The following TFAP2C variants were observed in gnomAD, a reference collection of about 807,000 sequenced individuals.
TFAP2C encodes the protein activating enhancer-binding protein 2 gamma.
TFAP2C carries 9 observed loss-of-function variants against 42.9 expected under a neutral mutation model. The ratio of observed to expected loss-of-function variants is 0.21; its 90% CI spans 0.13 to 0.37. The LOEUF (loss-of-function observed/expected upper bound fraction) is 0.37, where lower values mean the gene tolerates loss of function less well. Ranked by LOEUF, TFAP2C falls within the 10% of genes least tolerant of loss-of-function variation. The pLI, the probability that TFAP2C is intolerant of heterozygous loss-of-function variation, is 1.00. For synonymous variants in TFAP2C, 264 were observed against 256.0 expected (o/e 1.03, Z -0.30); for missense variants, 462 against 591.7 (o/e 0.78, Z 2.27).
At chr20:56,632,952 A>G (rs1258204524) in intron 3 of TFAP2C, among the ~76,000 whole-genome samples, 1 of 152,188 alleles carries the variant, frequency 6.6e-6, no homozygotes, top group African/African-American at 2.4e-5. Context: ...GGCCAGGTGC[A>G]GTGGCTGACA....
rs375808345 is a variant in TFAP2C at position 56,631,411 on chromosome 20, C to T, written c.255C>T (p.Ala85=). The stretch of plus-strand genomic sequence containing the variant: ...CGCATCTGGGGGAAGCGTACGCCGC[C>T]GCCATCAACCCCCTGCACCAGCCGG... ...PYSHLGEAYA[A]AINPLHQPAP... The change falls in exon 2 of 7, where the codon GCC becomes GCT. Residue 85 remains alanine (A), a synonymous_variant. Transcript: ENST00000201031. The surrounding 1 kb of genome is among the most constrained non-coding windows in gnomAD (Gnocchi z 6.1). 4.4e-6 allele frequency: 7 copies of T among 1,604,360 alleles called. No individual in the cohort carries two copies. In the East Asian group the frequency reaches 1.4e-4, roughly 31 times the overall value.
Position 56,630,381 on chromosome 20 carries a change from C to T in TFAP2C, c.48+789C>T, listed in dbSNP as rs572675016. On this transcript the variant is annotated intron_variant, in intron 1 of 6. Coordinates refer to ENST00000201031, the MANE Select transcript of TFAP2C (RefSeq NM_003222.4). This position sits in a 1 kb window ranked among gnomAD's most constrained non-coding sequence, Gnocchi z 5.1. ...GCGCCATGTTCCTCCAGGTTCCCGG[C>T]GCCCCGAGACCCCTGGGCAGATGGG... The T allele has an allele frequency of 6.6e-6, 3 of 457,176 alleles. No homozygotes were observed. Among genetic ancestry groups the T allele is most frequent in the Non-Finnish European group, 1.4e-5 (3 of 220,674 alleles). The allele number at this position is 457,176 out of a possible 1,614,324, so 28.3% of individuals were successfully genotyped here.
intron 4 of TFAP2C, among the ~76,000 whole-genome samples, chr20:56,633,896 T>C (rs114247412): frequency 3.3e-5 from 5 of 152,300 alleles, no homozygotes; most frequent in African/African-American, 1.2e-4. Context: ...AGTGAAAATT[T>C]GTCTGCTCCC....
In TFAP2C at chr20:56,631,307, G is replaced by A. The variant is rs1272166367; in HGVS notation, c.151G>A (p.Val51Ile). 1.2e-6 allele frequency: 2 copies of A among 1,607,620 alleles called. No homozygotes were observed. Residue 51 changes from valine (V) to isoleucine (I), a missense_variant, in exon 2 of 7, where the codon GTC becomes ATC. By Grantham distance (29) the Val-to-Ile change is conservative. Around this residue, in one of 5 missense-constraint regions of TFAP2C, gnomAD observed 271 missense variants for 269.7 expected, o/e 1.00. Transcript: ENST00000201031. The surrounding 1 kb of genome is among the most constrained non-coding windows in gnomAD (Gnocchi z 6.1). ...SPAPPLSHTG[V>I]AEYQPPPYFP... ...CGCGCCACCCCTCTCCCACACTGGA[G>A]TCGCCGAATATCAGCCGCCACCCTA...
At position 56,633,338 on chromosome 20, in the gene TFAP2C, G is replaced by A; in HGVS notation, c.587-15G>A. 1 of 1,605,364 alleles carries A rather than the reference G, an allele frequency of 6.2e-7. No homozygotes were observed. Among genetic ancestry groups the A allele is most frequent in the South Asian group, 1.1e-5 (1 of 90,568 alleles). ...GAGAGCTCTTGTGACTGCCAGCTCT[G>A]ACCTTCATTCACAGGTCCCATTTCC... On this transcript the variant is annotated splice_polypyrimidine_tract_variant and intron_variant, in intron 3 of 6. Transcript: ENST00000201031.
intron 3 of TFAP2C, among the ~76,000 whole-genome samples, chr20:56,632,097 A>G (rs990472829): frequency 6.6e-6 from 1 of 152,208 alleles, no homozygotes; most frequent in African/African-American, 2.4e-5. Flanking sequence ...AAAAATGTCC[A>G]TGAATTCCAG....
chr20:56,638,655 TCTC>T lies in TFAP2C; in HGVS notation c.*645_*647del, dbSNP rs1419835070. On this transcript the variant is annotated 3_prime_UTR_variant, in exon 7 of 7. Coordinates refer to ENST00000201031, the MANE Select transcript of TFAP2C (RefSeq NM_003222.4). ...AACGAAGCCTGCTGATTGATTTTTTTCTCCTTTTTTTTTTTTTTTTTTTTTAAC... is the reference window on the plus strand; with the variant it reads ...AACGAAGCCTGCTGATTGATTTTTTTCTTTTTTTTTTTTTTTTTTTTTAAC... The T allele has an allele frequency of 6.7e-6, 1 of 149,148 alleles. No individual in the cohort carries two copies. 9.2% of individuals were successfully genotyped at this position (149,148 alleles called of 1,614,324 possible). A position where few individuals can be genotyped will look rare whatever the true frequency, so the allele number is the denominator to read the frequency against.
In TFAP2C at chr20:56,637,493, C is replaced by T. The variant is rs550902407; in HGVS notation, c.1068-235C>T. On this transcript the variant is annotated intron_variant, in intron 6 of 6. Transcript: ENST00000201031. The stretch of plus-strand genomic sequence containing the variant: ...GCTGGGGTTAAGTTAATCCTGTTGT[C>T]TTTTCTAATTGCAGTGAGGATTAAA... Among the ~76,000 whole-genome samples, 4 of 152,342 alleles carry T rather than the reference C, an allele frequency of 2.6e-5. No individual in the cohort carries two copies. In the South Asian group the frequency reaches 8.3e-4, roughly 32 times the overall value.
chr20:56,631,496 C>A lies in TFAP2C; in HGVS notation c.340C>A (p.Leu114Met). The change falls in exon 2 of 7, where the codon CTG becomes ATG. Residue 114 changes from leucine (L) to methionine (M), a missense_variant. Leu to Met is a conservative substitution (Grantham distance 15, BLOSUM62 2). Coordinates refer to ENST00000201031, the MANE Select transcript of TFAP2C (RefSeq NM_003222.4). This position sits in a 1 kb window ranked among gnomAD's most constrained non-coding sequence, Gnocchi z 6.1. ...CCGCCAGAGCCAGGAGGGAGCGGGG[C>A]TGCCCTCGCACCACGGGCGCCCGGC... is the stretch of plus-strand genomic sequence containing the variant. The part of the protein sequence containing the change: ...PGRQSQEGAG[L>M]PSHHGRPAGL... 1 of 1,510,590 alleles carries A rather than the reference C, an allele frequency of 6.6e-7. No individual in the cohort carries two copies. Among genetic ancestry groups the A allele is most frequent in the Non-Finnish European group, 8.8e-7 (1 of 1,135,508 alleles). The allele number at this position is 1,510,590 out of a possible 1,614,324, so 93.6% of individuals were successfully genotyped here.
At chr20:56,632,592 A>C (rs1987511658) in intron 3 of TFAP2C, among the ~76,000 whole-genome samples, 1 of 152,230 alleles carries the variant, frequency 6.6e-6, no homozygotes, top group Non-Finnish European at 1.5e-5. Context: ...AATGGATTTT[A>C]AAGAAAAACT....
rs369702938 is a variant in TFAP2C, at chr20:56,631,157, G to A, written c.49-48G>A. The stretch of plus-strand genomic sequence containing the variant: ...CGGCGATGCCGGCCAGTTCGCAGTA[G>A]CGGGGTTTCGCACTAACGGGGTCTC... On this transcript the variant is annotated intron_variant, in intron 1 of 6. Transcript: ENST00000201031. The surrounding 1 kb of genome is among the most constrained non-coding windows in gnomAD (Gnocchi z 6.1). The A allele has an allele frequency of 4.1e-6, 6 of 1,477,380 alleles. No homozygotes were observed. In the African/African-American group the frequency reaches 8.8e-5, roughly 22 times the overall value. 91.5% of individuals were successfully genotyped at this position (1,477,380 alleles called of 1,614,324 possible). A position where few individuals can be genotyped will look rare whatever the true frequency, so the allele number is the denominator to read the frequency against.
chr20:56,633,690 T>G lies in TFAP2C; in HGVS notation c.803+121T>G, dbSNP rs1987534713. On this transcript the variant is annotated intron_variant, in intron 4 of 6. Transcript: ENST00000201031. ...GCCTAACACTGAATTCTAATCGGGTTAGAGTTTTAGTACATTTCTTCTCCT... is the reference window on the plus strand; with the variant it reads ...GCCTAACACTGAATTCTAATCGGGTGAGAGTTTTAGTACATTTCTTCTCCT... 7 of 742,724 alleles carry G rather than the reference T, an allele frequency of 9.4e-6. No homozygotes were observed. Among genetic ancestry groups the G allele is most frequent in the Non-Finnish European group, 1.6e-5 (7 of 440,866 alleles). The allele number at this position is 742,724 out of a possible 1,614,324, so 46.0% of individuals were successfully genotyped here.
chr20:56,629,539 G>A lies in TFAP2C; in HGVS notation c.-6G>A, dbSNP rs765365122. On this transcript the variant is annotated 5_prime_UTR_variant, in exon 1 of 7. Coordinates refer to ENST00000201031, the MANE Select transcript of TFAP2C (RefSeq NM_003222.4). This position sits in a 1 kb window ranked among gnomAD's most constrained non-coding sequence, Gnocchi z 5.9. ...CTGGCGACTGTTTTGGGGGACGCCG[G>A]ACGCCATGTTGTGGAAAATAACCGA... 4.9e-6 allele frequency: 7 copies of A among 1,427,186 alleles called. No homozygotes were observed. Among genetic ancestry groups the A allele is most frequent in the Non-Finnish European group, 6.4e-6 (7 of 1,088,454 alleles). 88.4% of individuals were successfully genotyped at this position (1,427,186 alleles called of 1,614,324 possible).
In TFAP2C at chr20:56,631,863, A is replaced by C. The variant is rs2146446758; in HGVS notation, c.586+7A>C. 6.2e-7 allele frequency: 1 copy of C among 1,614,212 alleles called. No homozygotes were observed. Among genetic ancestry groups the C allele is most frequent in the East Asian group, 2.2e-5 (1 of 44,890 alleles). ...CAGACAGTCATTCGCAAAGGTAAATAGCAAGGTGGCATCGTCTAACTCTGG... is the reference window on the plus strand; with the variant it reads ...CAGACAGTCATTCGCAAAGGTAAATCGCAAGGTGGCATCGTCTAACTCTGG... On this transcript the variant is annotated splice_region_variant and intron_variant, in intron 3 of 6. Transcript: ENST00000201031. This position sits in a 1 kb window ranked among gnomAD's most constrained non-coding sequence, Gnocchi z 6.1.
chr20:56,637,806 G>T lies in TFAP2C; in HGVS notation c.1146G>T (p.Leu382Phe), dbSNP rs759092983. The change falls in exon 7 of 7, where the codon TTG (leucine) becomes TTT (phenylalanine). Residue 382 changes from leucine (L) to phenylalanine (F), a missense_variant. Physicochemically the swap from Leu to Phe is conservative, Grantham distance 22. This residue lies in a region of TFAP2C where 130 missense variants were observed against 160.8 expected (regional missense o/e 0.81). Transcript: ENST00000201031. ...GGACCAGCAGGCTCGCCCCAGTCTT[G>T]GAGACGAACATACAGAACTGCTTGT... ...PHGTSRLAPV[L>F]ETNIQNCLSH... is the part of the protein sequence containing the mutation. 1 of 1,614,028 alleles carries T rather than the reference G, an allele frequency of 6.2e-7. No individual in the cohort carries two copies. Among genetic ancestry groups the T allele is most frequent in the Non-Finnish European group, 8.5e-7 (1 of 1,179,912 alleles).
At chr20:56,637,439 T>C (rs75091033) in intron 6 of TFAP2C, among the ~76,000 whole-genome samples, 3,125 of 152,336 alleles carry the variant, frequency 0.021, 100 homozygotes, top group African/African-American at 0.071. Context: ...CCCATTACTT[T>C]TACCAGTCCT....
Position 56,638,018 on chromosome 20 carries a change from G to A in TFAP2C, c.*5G>A, listed in dbSNP as rs1987619031. The A allele has an allele frequency of 6.2e-7, 1 of 1,611,098 alleles. No homozygotes were observed. Among genetic ancestry groups the A allele is most frequent in the Non-Finnish European group, 8.5e-7 (1 of 1,178,210 alleles). On this transcript the variant is annotated 3_prime_UTR_variant, in exon 7 of 7. Coordinates refer to ENST00000201031, the MANE Select transcript of TFAP2C (RefSeq NM_003222.4). ...ATGGAGAAACACAGGAAATAAAATT[G>A]GAACGAAGAAAGGTTAGGAGAGTAG...
In TFAP2C at chr20:56,629,673, C is replaced by T. The variant is rs1197418334; in HGVS notation, c.48+81C>T. ...GGGGCCACTGGACCGAGGTCGGGGA[C>T]GAGGGCATAGGAGCCCTGGCCTCTC... On this transcript the variant is annotated intron_variant, in intron 1 of 6. Transcript: ENST00000201031. The surrounding 1 kb of genome is among the most constrained non-coding windows in gnomAD (Gnocchi z 5.9). The T allele has an allele frequency of 4.3e-6, 5 of 1,173,484 alleles. No individual in the cohort carries two copies. Among genetic ancestry groups the T allele is most frequent in the Non-Finnish European group, 5.6e-6 (5 of 897,034 alleles). The allele number at this position is 1,173,484 out of a possible 1,614,324, so 72.7% of individuals were successfully genotyped here.
intron 6 of TFAP2C, among the ~76,000 whole-genome samples, chr20:56,636,977 C>G (rs190125645): frequency 6.6e-6 from 1 of 152,184 alleles, no homozygotes; most frequent in African/African-American, 2.4e-5. Flanking sequence ...TATTTTTGAG[C>G]TGCTTAGTTA....
Sources: allele counts gnomAD v4.1 joint callset (sites outside exome capture counted in the v4.1 genomes callset), GRCh38; gene constraint gnomAD v4.1.1; regional missense constraint gnomAD v4.1.1; non-coding constraint Gnocchi (gnomAD v3.1); transcripts MANE v1.5; gene names NCBI Gene and HGNC (gene_info 2026-07-23, HGNC 2026-07-21).